Variants in FHIT observed in about 807,000 individuals in gnomAD.
FHIT encodes fragile histidine triad diadenosine triphosphatase.
A neutral mutation model predicts 17.9 loss-of-function variants in FHIT; 19 were observed. That is an observed-to-expected ratio of 1.06 (90% CI 0.74 to 1.56). The LOEUF is 1.56. Among genes scored for constraint, FHIT ranks in the 40% most tolerant of loss-of-function variants. FHIT has a pLI of 0.00. For missense variants in FHIT, 248 were observed against 189.2 expected, an observed-to-expected ratio of 1.31 and a Z score of -1.82; for synonymous variants, 81 against 69.7, an observed-to-expected ratio of 1.16 and a Z score of -0.81.
At chr3:60,839,901 TA>T (rs1553744618) in intron 3 of FHIT, among the ~76,000 whole-genome samples, 1 of 152,178 alleles carries the variant, frequency 6.6e-6, no homozygotes, top group African/African-American at 2.4e-5. Flanking sequence ...TGTGATAACA[TA>T]AGGGCTTATT....
intron 3 of FHIT, among the ~76,000 whole-genome samples, chr3:61,031,150 G>T (rs1393852885): frequency 2.0e-5 from 3 of 152,116 alleles, no homozygotes; most frequent in Non-Finnish European, 2.9e-5. Flanking sequence ...TTAATTCAAG[G>T]TCATGTTCAG....
intron 4 of FHIT, among the ~76,000 whole-genome samples, chr3:60,727,579 C>T (rs1477716212): frequency 2.0e-5 from 3 of 152,196 alleles, no homozygotes; most frequent in Non-Finnish European, 4.4e-5. Context: ...AGATAACTTA[C>T]TATGTGACTC....
intron 8 of FHIT, among the ~76,000 whole-genome samples, chr3:59,901,221 A>C (rs1458202166): frequency 6.6e-6 from 1 of 152,222 alleles, no homozygotes; most frequent in Non-Finnish European, 1.5e-5. Context: ...GAAGAATATG[A>C]GAGTGGAAAA....
At chr3:60,930,022 G>C (rs1261690722) in intron 3 of FHIT, among the ~76,000 whole-genome samples, 2 of 152,144 alleles carry the variant, frequency 1.3e-5, no homozygotes, top group Non-Finnish European at 2.9e-5. Flanking sequence ...CAGAGATATT[G>C]ACCAATGGAA....
chr3:60,058,409 G>A (rs1035739078), intron 5 of FHIT, among the ~76,000 whole-genome samples: 5 of 152,118 alleles, frequency 3.3e-5, no homozygotes, highest in South Asian at 2.1e-4. Flanking sequence ...GATTACAGGC[G>A]TGAGCCACCG....
intron 4 of FHIT, among the ~76,000 whole-genome samples, chr3:60,722,165 C>T (rs915254401): frequency 1.3e-4 from 20 of 152,194 alleles, no homozygotes; most frequent in Non-Finnish European, 2.1e-4. Flanking sequence ...CTTGCACATT[C>T]CTCCAGAGTC....
chr3:60,217,309 A>C (rs1020599610), intron 5 of FHIT, among the ~76,000 whole-genome samples: 7 of 152,224 alleles, frequency 4.6e-5, no homozygotes, highest in Non-Finnish European at 1.0e-4. Context: ...AGATGAAGAC[A>C]GATGAGTCGA....
chr3:60,836,841 A>G lies in FHIT; in HGVS notation c.-110-14830T>C, dbSNP rs189245414. 8.6e-3 allele frequency among the ~76,000 whole-genome samples: 1,307 copies of G among 152,310 alleles called. 15 individuals carry two copies. Among genetic ancestry groups the G allele is most frequent in the Admixed American group, 0.014 (220 of 15,292 alleles). ...AAGGAAGGCATGCAAGAATTGTACT[A>G]AGTATAATATCTGTGTGTCTTGTTC... On this transcript the variant is annotated intron_variant, in intron 3 of 9. Transcript: ENST00000492590.
chr3:59,781,389 C>T (rs1702576050), intron 8 of FHIT, among the ~76,000 whole-genome samples: 1 of 152,208 alleles, frequency 6.6e-6, no homozygotes, highest in Non-Finnish European at 1.5e-5. Context: ...AGCTGTGCTA[C>T]TCGGTTCATA....
At position 60,278,097 on chromosome 3, in the gene FHIT, G is replaced by A. The variant is rs1224602986; in HGVS notation, c.103+258763C>T. On this transcript the variant is annotated intron_variant, in intron 5 of 9. Coordinates refer to ENST00000492590, the MANE Select transcript of FHIT (RefSeq NM_002012.4). Reference sequence around the variant, plus strand: ...TAGGAACTGATACGAACACGTGTATGATAATTTTGACAAATTGCTGGAGGC... The same window carrying A: ...TAGGAACTGATACGAACACGTGTATAATAATTTTGACAAATTGCTGGAGGC... Among the ~76,000 whole-genome samples the A allele has an allele frequency of 2.6e-5, 4 of 152,146 alleles. No individual in the cohort carries two copies. In the South Asian group the frequency reaches 8.3e-4, roughly 32 times the overall value.
intron 3 of FHIT, among the ~76,000 whole-genome samples, chr3:60,892,444 G>C (rs1553760924): frequency 6.6e-6 from 1 of 151,934 alleles, no homozygotes; most frequent in African/African-American, 2.4e-5. Flanking sequence ...TCCACCCTTG[G>C]AGCTTTACCT....
At chr3:60,817,188 G>T (rs931837878) in intron 4 of FHIT, among the ~76,000 whole-genome samples, 25 of 152,014 alleles carry the variant, frequency 1.6e-4, no homozygotes, top group Admixed American at 1.0e-3. Flanking sequence ...AAGTCATATG[G>T]ATTACATCTG....
intron 5 of FHIT, among the ~76,000 whole-genome samples, chr3:60,171,323 A>G (rs1701406186): frequency 6.6e-6 from 1 of 152,164 alleles, no homozygotes; most frequent in Admixed American, 6.5e-5. Flanking sequence ...AGAAACATTC[A>G]GACAACTACA....
intron 3 of FHIT, among the ~76,000 whole-genome samples, chr3:61,034,055 T>A (rs2033130096): frequency 6.6e-6 from 1 of 152,142 alleles, no homozygotes; most frequent in South Asian, 2.1e-4. Context: ...AACAACTGAA[T>A]AACCACACAT....
intron 5 of FHIT, among the ~76,000 whole-genome samples, chr3:60,449,367 T>C (rs1036312099): frequency 1.3e-5 from 2 of 152,084 alleles, no homozygotes; most frequent in Admixed American, 6.6e-5. Flanking sequence ...ATGATGTTCT[T>C]ATAAAGGTAG....
intron 7 of FHIT, among the ~76,000 whole-genome samples, chr3:59,940,938 G>A (rs979158641): frequency 3.1e-4 from 47 of 152,038 alleles, no homozygotes; most frequent in African/African-American, 1.0e-3. Context: ...AAACAGTTCC[G>A]GTCCTATCTC....
At chr3:60,927,581 C>T (rs1420598213) in intron 3 of FHIT, among the ~76,000 whole-genome samples, 1 of 151,426 alleles carries the variant, frequency 6.6e-6, no homozygotes, top group African/African-American at 2.4e-5. Context: ...ATGTGGGGAG[C>T]GCCTCTGCCC....
intron 1 of FHIT, among the ~76,000 whole-genome samples, chr3:61,232,230 T>A (rs1376095039): frequency 6.6e-6 from 1 of 151,306 alleles, no homozygotes; most frequent in African/African-American, 2.4e-5. Flanking sequence ...CAAAAAAAAA[T>A]ACAAAAATCA....
At chr3:60,623,534 T>TA (rs1196439649) in intron 4 of FHIT, among the ~76,000 whole-genome samples, 1 of 152,170 alleles carries the variant, frequency 6.6e-6, no homozygotes, top group African/African-American at 2.4e-5. Flanking sequence ...TGACCTCAAG[T>TA]GAAATACTGT....
Sources: gnomAD v4.1 joint callset for allele counts (sites outside exome capture counted in the v4.1 genomes callset) on GRCh38, gnomAD v4.1.1 for gene constraint, MANE v1.5 for transcripts, NCBI Gene and HGNC (gene_info 2026-07-23, HGNC 2026-07-21) for gene names.